Variants in RYR3 observed in about 807,000 individuals in gnomAD.
The protein encoded by RYR3 is ryanodine receptor 3.
A neutral mutation model predicts 584.3 loss-of-function variants in RYR3; 207 were observed. The observed-to-expected ratio is 0.35, with a 90% CI of 0.32 to 0.40. RYR3 has a LOEUF of 0.40. RYR3 is among the 10% of genes least tolerant of loss of function. The probability of loss-of-function intolerance (pLI) is 1.00; values close to 1 mark genes in which losing one functional copy is unlikely to be tolerated. For synonymous variants in RYR3, 2,416 were observed against 2,248.5 expected (o/e 1.07, Z -2.11); for missense variants, 5,616 against 6,089.2 (o/e 0.92, Z 2.59).
chr15:33,533,592 T>A (rs1052127279), intron 5 of RYR3, among the ~76,000 whole-genome samples: 2 of 152,192 alleles, frequency 1.3e-5, no homozygotes, highest in Admixed American at 1.3e-4. Context: ...GAGAACATAA[T>A]GTTTTTACCA....
chr15:33,830,695 C>T, intron 85 of RYR3: 1 of 282,346 alleles, frequency 3.5e-6, no homozygotes, highest in South Asian at 9.4e-5. Context: ...TCACATATTT[C>T]ACATTGAGTA....
intron 3 of RYR3, among the ~76,000 whole-genome samples, chr15:33,513,040 T>C (rs2053178402): frequency 6.6e-6 from 1 of 152,218 alleles, no homozygotes; most frequent in Non-Finnish European, 1.5e-5. Context: ...AATCCTTAAT[T>C]GTACAATATT....
intron 2 of RYR3, among the ~76,000 whole-genome samples, chr15:33,477,682 T>C (rs2049515569): frequency 6.6e-6 from 1 of 151,042 alleles, no homozygotes; most frequent in Non-Finnish European, 1.5e-5. Context: ...GAGACCATCC[T>C]GGCTAACACG....
intron 67 of RYR3, among the ~76,000 whole-genome samples, chr15:33,789,861 A>C (rs796791522): frequency 1.5e-4 from 21 of 143,330 alleles, no homozygotes; most frequent in African/African-American, 5.4e-4. Flanking sequence ...ATTTTAGTAG[A>C]GATGGGGTTT....
intron 64 of RYR3, 110 bp from the exon 65 acceptor site, chr15:33,780,101 C>A: frequency 7.6e-7 from 1 of 1,310,718 alleles, no homozygotes; most frequent in Admixed American, 2.2e-5. Flanking sequence ...CTTGCTGAGC[C>A]TAGTGCCTAG....
intron 49 of RYR3, among the ~76,000 whole-genome samples, chr15:33,737,150 GT>G (rs555548632): frequency 6.6e-6 from 1 of 152,238 alleles, no homozygotes; most frequent in African/African-American, 2.4e-5. Context: ...CTTGAGTGCA[GT>G]GGCACAGCCA....
intron 57 of RYR3, among the ~76,000 whole-genome samples, chr15:33,753,183 T>G (rs2071489763): frequency 6.6e-6 from 1 of 152,252 alleles, no homozygotes; most frequent in South Asian, 2.1e-4. Context: ...TTACAAAATA[T>G]GCATCTTAGT....
rs758419262 is a variant in RYR3 at position 33,821,527 on chromosome 15, G to A, written c.10920G>A (p.Glu3640=). 1.9e-6 allele frequency: 3 copies of A among 1,613,888 alleles called. No individual in the cohort carries two copies. The highest frequency in any genetic ancestry group is 2.2e-5 in the South Asian group (2 of 91,086). The change falls in exon 80 of 104, where the codon GAG becomes GAA. Residue 3640 remains glutamate, a synonymous_variant. Transcript: ENST00000634891. ...VLQMISASKG[E]MSPMVVETLK... ...ATCGAATCTTCACCATGGCAGGTGA[G>A]ATGAGCCCCATGGTGGTTGAGACGC...
intron 1 of RYR3, among the ~76,000 whole-genome samples, chr15:33,433,098 G>A (rs1158226203): frequency 6.6e-6 from 1 of 152,056 alleles, no homozygotes; most frequent in Non-Finnish European, 1.5e-5. Context: ...AAGATAAAAT[G>A]GGACTCTCCA....
At chr15:33,747,549 C>T (rs1023892239) in intron 53 of RYR3, among the ~76,000 whole-genome samples, 2 of 151,578 alleles carry the variant, frequency 1.3e-5, no homozygotes, top group Admixed American at 6.6e-5. Context: ...CTTAGCCTCC[C>T]GAGTAGCTGG....
chr15:33,379,863 A>G (rs1021645697), intron 1 of RYR3, among the ~76,000 whole-genome samples: 2 of 152,000 alleles, frequency 1.3e-5, no homozygotes, highest in South Asian at 2.1e-4. Context: ...CAGTCTGTGA[A>G]CGAAGGCCCC....
intron 1 of RYR3, among the ~76,000 whole-genome samples, chr15:33,370,954 G>A (rs1048750881): frequency 6.6e-6 from 1 of 152,208 alleles, no homozygotes; most frequent in Admixed American, 6.5e-5. Context: ...ATTTTAGTCT[G>A]TTTTGTCCCT....
intron 1 of RYR3, among the ~76,000 whole-genome samples, chr15:33,338,458 A>G (rs1971415319): frequency 6.6e-6 from 1 of 152,186 alleles, no homozygotes; most frequent in African/African-American, 2.4e-5. Context: ...GAGAACACAG[A>G]CAAAACGGGG....
At chr15:33,598,972 G>A (rs567964721) in intron 16 of RYR3, among the ~76,000 whole-genome samples, 12 of 152,146 alleles carry the variant, frequency 7.9e-5, no homozygotes, top group African/African-American at 2.4e-4. Flanking sequence ...GGAGAATGGC[G>A]GGAACCCAGG....
intron 1 of RYR3, among the ~76,000 whole-genome samples, chr15:33,337,411 A>G: frequency 6.6e-6 from 1 of 152,224 alleles, no homozygotes; most frequent in East Asian, 1.9e-4. Context: ...AACAACAAAA[A>G]TCAAGCAACT....
In RYR3 at chr15:33,660,400, G is replaced by A. The variant is rs1341085279; in HGVS notation, c.4599G>A (p.Ala1533=). ...GCCTGGAGCCCCTGCAGATGATGGC[G>A]CTCCACATCCCCGAGGAGAACAGGT... The part of the protein sequence containing the change: ...VQCLEPLQMM[A]LHIPEENRCV... Residue 1533 remains alanine, a synonymous_variant, in exon 34 of 104, where the codon GCG becomes GCA. Coordinates refer to ENST00000634891, the MANE Select transcript of RYR3 (RefSeq NM_001036.6). 5.1e-6 allele frequency: 8 copies of A among 1,571,684 alleles called. No individual in the cohort carries two copies. The highest frequency in any genetic ancestry group is 1.7e-4 in the Middle Eastern group (1 of 5,904).
At chr15:33,807,654 G>T in intron 70 of RYR3, 85 bp downstream of exon 70, 1 of 1,340,470 alleles carries the variant, frequency 7.5e-7, no homozygotes, top group South Asian at 1.3e-5. Flanking sequence ...TGATCACCAT[G>T]GGGGTGGTAG....
At position 33,684,711 on chromosome 15, in the gene RYR3, G is replaced by A. The variant is rs912956382; in HGVS notation, c.5861-11507G>A. On this transcript the variant is annotated intron_variant, in intron 38 of 103. Transcript: ENST00000634891. ...AAGGGCAGCCAGAGAGAAAGGTTGC[G>A]TTACCCACAAAGGGAAGCCCATTAG... Among the ~76,000 whole-genome samples, 8 of 152,156 alleles carry A rather than the reference G, an allele frequency of 5.3e-5. 1 individual carries two copies. The South Asian group carries it at 6.2e-4, about 12-fold the overall frequency.
At chr15:33,738,014 G>A (rs770126401) in intron 49 of RYR3, among the ~76,000 whole-genome samples, 3 of 152,070 alleles carry the variant, frequency 2.0e-5, no homozygotes, top group East Asian at 3.9e-4. Flanking sequence ...TCAGACCCAC[G>A]ACTTGCAGCC....
Sources: gnomAD v4.1 joint callset for allele counts (sites outside exome capture counted in the v4.1 genomes callset) on GRCh38, gnomAD v4.1.1 for gene constraint, MANE v1.5 for transcripts, NCBI Gene and HGNC (gene_info 2026-07-23, HGNC 2026-07-21) for gene names.